MAP7D1: variants seen among roughly 807,000 people sequenced by gnomAD.
MAP7D1 encodes the protein MAP7 domain-containing protein 1.
MAP7D1 carries 30 observed loss-of-function variants against 97.5 expected under a neutral mutation model. The observed-to-expected ratio is 0.31, with a 90% CI of 0.23 to 0.42. The LOEUF is 0.42. MAP7D1 is among the 10% of genes least tolerant of loss of function. The probability of loss-of-function intolerance (pLI) is 1.00; values close to 1 mark genes in which losing one functional copy is unlikely to be tolerated. For synonymous variants in MAP7D1, 536 were observed against 477.1 expected (o/e 1.12, Z -1.61); for missense variants, 1,184 against 1,179.5 (o/e 1.00, Z -0.06).
At chr1:36,174,781 C>T (rs1211265774) in intron 5 of MAP7D1, 117 bp from the exon 6 acceptor site, 2 of 369,898 alleles carry the variant, frequency 5.4e-6, no homozygotes, top group Non-Finnish European at 5.6e-6. Context: ...CTCATCCTAG[C>T]CTGCCCACTC....
intron 5 of MAP7D1, 116 bp downstream of exon 5, chr1:36,173,594 T>C: frequency 1.5e-6 from 1 of 689,178 alleles, no homozygotes; most frequent in Non-Finnish European, 2.4e-6. Context: ...GTGCCTTGCT[T>C]TATGTGACTT....
In MAP7D1 at chr1:36,159,304, C is replaced by T. The variant is rs910446579; in HGVS notation, c.46+2841C>T. Among the ~76,000 whole-genome samples, 1 of 152,206 alleles carries T rather than the reference C, an allele frequency of 6.6e-6. No individual in the cohort carries two copies. The highest frequency in any genetic ancestry group is 2.4e-5 in the African/African-American group (1 of 41,444). On this transcript the variant is annotated intron_variant, in intron 1 of 16. Coordinates refer to ENST00000474796, the MANE Select transcript of MAP7D1 (RefSeq NM_001388490.1). The surrounding 1 kb of genome is among the most constrained non-coding windows in gnomAD (Gnocchi z 5.4). ...AACTCCTGACCTCGTGATCTTCCCACCTTGGCCTCCCAAAGCGCTGGGATT... is the reference window on the plus strand; with the variant it reads ...AACTCCTGACCTCGTGATCTTCCCATCTTGGCCTCCCAAAGCGCTGGGATT...
chr1:36,161,352 C>A lies in MAP7D1; in HGVS notation c.46+4889C>A, dbSNP rs182970577. 1.2e-3 allele frequency among the ~76,000 whole-genome samples: 182 copies of A among 152,294 alleles called. 1 individual carries two copies. The highest frequency in any genetic ancestry group is 1.9e-3 in the Non-Finnish European group (131 of 68,014). On this transcript the variant is annotated intron_variant, in intron 1 of 16. Transcript: ENST00000474796. The stretch of plus-strand genomic sequence containing the variant: ...AGAGTTTGCCCTTTCTACTGACCTC[C>A]TATTCTCCCAGCCCAGATCTCTCCA...
Position 36,178,534 on chromosome 1 carries a change from C to A in MAP7D1, c.1824C>A (p.Arg608=). The A allele has an allele frequency of 6.2e-7, 1 of 1,602,476 alleles. No homozygotes were observed. Among genetic ancestry groups the A allele is most frequent in the Non-Finnish European group, 8.5e-7 (1 of 1,175,052 alleles). ...EATRLLAEKR[R]QAREQREREE... Reference sequence around the variant, plus strand: ...CTCGGCTCTTGGCTGAGAAGCGGCGCCAGGCCCGGGAGCAGCGGGAGCGCG... The same window carrying A: ...CTCGGCTCTTGGCTGAGAAGCGGCGACAGGCCCGGGAGCAGCGGGAGCGCG... The change falls in exon 10 of 17, where the codon CGC becomes CGA. Residue 608 remains arginine (R), a synonymous_variant. Coordinates refer to ENST00000474796, the MANE Select transcript of MAP7D1 (RefSeq NM_001388490.1).
In MAP7D1 at chr1:36,176,950, G is replaced by A; in HGVS notation, c.1379+108G>A. The A allele has an allele frequency of 1.1e-6, 1 of 950,162 alleles. No homozygotes were observed. Among genetic ancestry groups the A allele is most frequent in the Non-Finnish European group, 1.6e-6 (1 of 631,198 alleles). The allele number at this position is 950,162 out of a possible 1,614,324, so 58.9% of individuals were successfully genotyped here. A position where few individuals can be genotyped will look rare whatever the true frequency, so the allele number is the denominator to read the frequency against. ...CTAGAATGCAACTTCCCTGAGGGCA[G>A]ATTCTCTCTGTTTTGTTTGAGACAG... On this transcript the variant is annotated intron_variant, in intron 8 of 16. Transcript: ENST00000474796. This position sits in a 1 kb window ranked among gnomAD's most constrained non-coding sequence, Gnocchi z 6.1.
rs1280882917 is a variant in MAP7D1 at position 36,161,304 on chromosome 1, G to A, written c.46+4841G>A. 2.6e-5 allele frequency among the ~76,000 whole-genome samples: 4 copies of A among 152,256 alleles called. No homozygotes were observed. In the East Asian group the frequency reaches 5.8e-4, roughly 22 times the overall value. On this transcript the variant is annotated intron_variant, in intron 1 of 16. Transcript: ENST00000474796. The stretch of plus-strand genomic sequence containing the variant: ...GCCCCCTAAGGGTCCCTCCTCTCCC[G>A]GCCCCACAATTAGGCATTCCCCAGA...
chr1:36,166,431 C>T (rs1407218972), intron 1 of MAP7D1, among the ~76,000 whole-genome samples: 1 of 150,640 alleles, frequency 6.6e-6, no homozygotes, highest in African/African-American at 2.4e-5. Flanking sequence ...CTTCTGTCAC[C>T]CAGGCTGGAG....
At position 36,156,316 on chromosome 1, in the gene MAP7D1, C is replaced by T. The variant is rs1036836295; in HGVS notation, c.-102C>T. ...GCCTCCGAGTCGCTACTTGCCGGGC[C>T]GGGCCGGGCCGGGCGTGATGCGCCG... On this transcript the variant is annotated 5_prime_UTR_variant, in exon 1 of 17. Coordinates refer to ENST00000474796, the MANE Select transcript of MAP7D1 (RefSeq NM_001388490.1). 7 of 1,010,508 alleles carry T rather than the reference C, an allele frequency of 6.9e-6. No individual in the cohort carries two copies. In the African/African-American group the frequency reaches 8.6e-5, roughly 12 times the overall value. 62.6% of individuals were successfully genotyped at this position (1,010,508 alleles called of 1,614,324 possible).
rs780040997 is a variant in MAP7D1 at position 36,174,929 on chromosome 1, C to T, written c.771C>T (p.Asn257=). 3.7e-6 allele frequency: 6 copies of T among 1,613,684 alleles called. No homozygotes were observed. The highest frequency in any genetic ancestry group is 5.1e-6 in the Non-Finnish European group (6 of 1,179,646). ...GCAGGTGCTCCGTGTCGGCAGTTAA[C>T]CTGCCCAAACACGTGGACTCTATAA... ...SGSRCSVSAV[N]LPKHVDSIIN... Residue 257 remains asparagine, a synonymous_variant, in exon 6 of 17, where the codon AAC becomes AAT. Transcript: ENST00000474796.
At position 36,171,538 on chromosome 1, in the gene MAP7D1, C is replaced by T; in HGVS notation, c.417C>T (p.His139=). ...AGGTGAAGAAGGCAGGAGAGAGACACAAGCTGGCAAAGGAGCGGCGAGAAG... is the reference window on the plus strand; with the variant it reads ...AGGTGAAGAAGGCAGGAGAGAGACATAAGCTGGCAAAGGAGCGGCGAGAAG... ...KQEVKKAGER[H]KLAKERREER... Residue 139 remains histidine, a synonymous_variant, in exon 3 of 17, where the codon CAC becomes CAT. Transcript: ENST00000474796. 1.2e-6 allele frequency: 2 copies of T among 1,614,200 alleles called. No individual in the cohort carries two copies. Among genetic ancestry groups the T allele is most frequent in the Non-Finnish European group, 1.7e-6 (2 of 1,180,032 alleles).
intron 1 of MAP7D1, among the ~76,000 whole-genome samples, chr1:36,161,358 T>G (rs1644406881): frequency 6.6e-6 from 1 of 152,004 alleles, no homozygotes. Context: ...CCTCCTATTC[T>G]CCCAGCCCAG....
At chr1:36,170,577 G>A (rs371959912) in intron 1 of MAP7D1, among the ~76,000 whole-genome samples, 21 of 152,126 alleles carry the variant, frequency 1.4e-4, no homozygotes, top group Admixed American at 6.5e-5. Context: ...CTGCCCCTTC[G>A]CATATACTCT....
In MAP7D1 at chr1:36,172,493, G is replaced by A. The variant is rs766047081; in HGVS notation, c.490G>A (p.Glu164Lys). 3.1e-6 allele frequency: 5 copies of A among 1,594,722 alleles called. No homozygotes were observed. The highest frequency in any genetic ancestry group is 1.3e-5 in the African/African-American group (1 of 74,730). ...AAKKAVWLEKEEKAKALREKQ... is the reference protein window; with the variant it reads ...AAKKAVWLEKKEKAKALREKQ... ...CAAGAAGGCAGTGTGGCTGGAGAAG[G>A]AGGAGAAGGCCAAGGCGCTGCGGGA... The change falls in exon 4 of 17, where the codon GAG becomes AAG. Residue 164 changes from glutamate (E) to lysine (K), a missense_variant. Coordinates refer to ENST00000474796, the MANE Select transcript of MAP7D1 (RefSeq NM_001388490.1).
intron 1 of MAP7D1, among the ~76,000 whole-genome samples, chr1:36,169,213 A>G (rs1005425114): frequency 1.0e-4 from 15 of 146,562 alleles, no homozygotes; most frequent in Admixed American, 2.8e-4. Flanking sequence ...GATCGTGCCA[A>G]TGCACTCCAG....
intron 1 of MAP7D1, among the ~76,000 whole-genome samples, chr1:36,169,110 G>A (rs1480339844): frequency 1.3e-5 from 2 of 151,950 alleles, no homozygotes; most frequent in Non-Finnish European, 2.9e-5. Flanking sequence ...AAATTAGCTG[G>A]GCGTGGTGGC....
Position 36,179,987 on chromosome 1 carries a change from G to T in MAP7D1, c.2432G>T (p.Arg811Leu). Reference sequence around the variant, plus strand: ...CCCTCTGGGGACAAGAGTCTGAGCCGAACACCAGAGACACTCCTGCCCTTT... The same window carrying T: ...CCCTCTGGGGACAAGAGTCTGAGCCTAACACCAGAGACACTCCTGCCCTTT... The part of the protein sequence containing the change: ...NGPSGDKSLS[R>L]TPETLLPFAE... The change falls in exon 16 of 17, where the codon CGA (arginine) becomes CTA (leucine). Residue 811 changes from arginine to leucine, a missense_variant. By Grantham distance (102) the Arg-to-Leu change is moderately radical. Coordinates refer to ENST00000474796, the MANE Select transcript of MAP7D1 (RefSeq NM_001388490.1). 2 of 1,614,202 alleles carry T rather than the reference G, an allele frequency of 1.2e-6. No homozygotes were observed. The highest frequency in any genetic ancestry group is 1.7e-6 in the Non-Finnish European group (2 of 1,180,018).
intron 8 of MAP7D1, 22 bp from the exon 9 acceptor site, chr1:36,177,851 T>C (rs766311908): frequency 2.8e-5 from 42 of 1,521,378 alleles, no homozygotes; most frequent in Non-Finnish European, 3.7e-5. Flanking sequence ...TCCTAACCCT[T>C]CCCTTTTCCC....
At chr1:36,167,663 G>T (rs1317132059) in intron 1 of MAP7D1, among the ~76,000 whole-genome samples, 1 of 152,246 alleles carries the variant, frequency 6.6e-6, no homozygotes, top group Non-Finnish European at 1.5e-5. Context: ...TTCGCCGGGA[G>T]CCGAGGTCCT....
At chr1:36,174,438 T>A (rs1406255219) in intron 5 of MAP7D1, among the ~76,000 whole-genome samples, 2 of 152,210 alleles carry the variant, frequency 1.3e-5, no homozygotes, top group East Asian at 3.8e-4. Context: ...CTTTTTGTGA[T>A]TCTGGATGAA....
Sources: allele counts gnomAD v4.1 joint callset (sites outside exome capture counted in the v4.1 genomes callset), GRCh38; gene constraint gnomAD v4.1.1; non-coding constraint Gnocchi (gnomAD v3.1); transcripts MANE v1.5; gene names NCBI Gene and HGNC (gene_info 2026-07-23, HGNC 2026-07-21).